The following GLDC variants were observed in gnomAD, a reference collection of about 807,000 sequenced individuals.
GLDC encodes the protein glycine dehydrogenase (decarboxylating), mitochondrial.
A neutral mutation model predicts 121.3 loss-of-function variants in GLDC; 104 were observed. That is an observed-to-expected ratio of 0.86 (90% CI 0.73 to 1.01). The LOEUF (loss-of-function observed/expected upper bound fraction) is 1.01. Ranked by LOEUF, GLDC falls within the 50% of genes least tolerant of loss-of-function variation. The pLI is 0.00. For synonymous variants in GLDC, 546 were observed against 480.6 expected (o/e 1.14, Z -1.78); for missense variants, 1,429 against 1,306.6 (o/e 1.09, Z -1.44).
intron 15 of GLDC, 104 bp downstream of exon 15, chr9:6,587,037 T>C: frequency 3.2e-6 from 3 of 938,526 alleles, no homozygotes; most frequent in Non-Finnish European, 5.2e-6. Flanking sequence ...GTCTAGCAAG[T>C]CACAGAATAA....
chr9:6,546,244 G>A (rs1160850507), intron 21 of GLDC, among the ~76,000 whole-genome samples: 3 of 151,822 alleles, frequency 2.0e-5, no homozygotes, highest in East Asian at 3.9e-4. Flanking sequence ...CCAGGCTGGA[G>A]TGCAGTGGCA....
intron 3 of GLDC, among the ~76,000 whole-genome samples, chr9:6,616,998 T>A (rs1173106633): frequency 6.6e-6 from 1 of 152,246 alleles, no homozygotes; most frequent in East Asian, 1.9e-4. Flanking sequence ...TTTGGAATAG[T>A]GAAACCCATA....
At chr9:6,556,362 A>C (rs1817631245) in intron 17 of GLDC, 60 bp from the exon 18 acceptor site, 3 of 1,351,534 alleles carry the variant, frequency 2.2e-6, no homozygotes, top group South Asian at 2.3e-5. Flanking sequence ...TTCTTGGCCA[A>C]ATCCTCGCCT....
At chr9:6,544,854 C>T (rs900008999) in intron 21 of GLDC, among the ~76,000 whole-genome samples, 1 of 152,064 alleles carries the variant, frequency 6.6e-6, no homozygotes, top group African/African-American at 2.4e-5. Flanking sequence ...AATCCCAGCA[C>T]TTTGGGAGGC....
At chr9:6,550,131 G>A (rs752974539) in intron 21 of GLDC, among the ~76,000 whole-genome samples, 4 of 152,142 alleles carry the variant, frequency 2.6e-5, no homozygotes, top group Non-Finnish European at 5.9e-5. Flanking sequence ...GCAAGAAGGC[G>A]CTGTCAACCA....
In GLDC at chr9:6,639,610, A is replaced by G. The variant is rs1339987196; in HGVS notation, c.334+5004T>C. On this transcript the variant is annotated intron_variant, in intron 2 of 24. Coordinates refer to ENST00000321612, the MANE Select transcript of GLDC (RefSeq NM_000170.3). ...GTTGCCAACAAAATTGGGATCATCTAAACTGAGTCCAGCTGCCTAATTCTA... is the reference window on the plus strand; with the variant it reads ...GTTGCCAACAAAATTGGGATCATCTGAACTGAGTCCAGCTGCCTAATTCTA... The G allele has an allele frequency of 4.2e-6, 3 of 710,556 alleles. No homozygotes were observed. In the East Asian group the frequency reaches 8.5e-5, roughly 20 times the overall value. 44.0% of individuals were successfully genotyped at this position (710,556 alleles called of 1,614,324 possible). A position where few individuals can be genotyped will look rare whatever the true frequency, so the allele number is the denominator to read the frequency against.
chr9:6,600,055 G>A (rs372990592), intron 8 of GLDC, among the ~76,000 whole-genome samples: 1 of 152,092 alleles, frequency 6.6e-6, no homozygotes, highest in African/African-American at 2.4e-5. Flanking sequence ...ATCTCTCTCT[G>A]ACACTTCATG....
At chr9:6,635,648 G>C (rs1311984349) in intron 2 of GLDC, among the ~76,000 whole-genome samples, 1 of 152,024 alleles carries the variant, frequency 6.6e-6, no homozygotes, top group Non-Finnish European at 1.5e-5. Context: ...CAAAATGAGA[G>C]AATCATTTAA....
At chr9:6,559,591 G>C (rs1467136321) in intron 16 of GLDC, among the ~76,000 whole-genome samples, 1 of 150,594 alleles carries the variant, frequency 6.6e-6, no homozygotes, top group Non-Finnish European at 1.5e-5. Flanking sequence ...CCAACACTTC[G>C]GGAGGTGGAG....
intron 2 of GLDC, among the ~76,000 whole-genome samples, chr9:6,642,628 A>C (rs575085395): frequency 6.6e-6 from 1 of 152,336 alleles, no homozygotes; most frequent in African/African-American, 2.4e-5. Flanking sequence ...GAATCCCTTA[A>C]TGTTCAAATT....
At chr9:6,610,041 G>A (rs1363618207) in intron 4 of GLDC, 151 bp downstream of exon 4, 3 of 669,036 alleles carry the variant, frequency 4.5e-6, no homozygotes, top group Non-Finnish European at 7.7e-6. Flanking sequence ...CAACCTCTAG[G>A]TTTTTGAACC....
chr9:6,588,569 G>A (rs769321158), intron 13 of GLDC, 49 bp downstream of exon 13: 13 of 1,483,550 alleles, frequency 8.8e-6, no homozygotes, highest in East Asian at 2.3e-5. Context: ...ACCAAGAGAC[G>A]TGGGATTGGG....
At chr9:6,640,949 T>G (rs149434615) in intron 2 of GLDC, among the ~76,000 whole-genome samples, 39 of 152,336 alleles carry the variant, frequency 2.6e-4, no homozygotes, top group African/African-American at 8.7e-4. Context: ...ACACATATCC[T>G]TCTAGTCCTT....
chr9:6,631,176 T>A (rs1457291798), intron 2 of GLDC, among the ~76,000 whole-genome samples: 3 of 152,196 alleles, frequency 2.0e-5, no homozygotes, highest in Non-Finnish European at 4.4e-5. Context: ...CTCTTCCCTG[T>A]CTTCTTGCTC....
At chr9:6,589,341 A>G in intron 11 of GLDC, 49 bp from the exon 12 acceptor site, 1 of 1,104,158 alleles carries the variant, frequency 9.1e-7, no homozygotes, top group East Asian at 2.3e-5. Context: ...GCCTGGAGCC[A>G]CATGTGGACA....
At chr9:6,545,427 A>T (rs1817367755) in intron 21 of GLDC, among the ~76,000 whole-genome samples, 1 of 152,120 alleles carries the variant, frequency 6.6e-6, no homozygotes, top group Admixed American at 6.5e-5. Context: ...CATAAAACAT[A>T]AAAAATGGTA....
chr9:6,587,424 G>C (rs1282827945), intron 14 of GLDC, 141 bp from the exon 15 acceptor site: 1 of 686,830 alleles, frequency 1.5e-6, no homozygotes, highest in Non-Finnish European at 2.5e-6. Flanking sequence ...ATTTATTTAA[G>C]TTCCACCACA....
chr9:6,619,396 G>A (rs1819035218), intron 3 of GLDC, among the ~76,000 whole-genome samples: 1 of 151,794 alleles, frequency 6.6e-6, no homozygotes, highest in South Asian at 2.1e-4. Flanking sequence ...TTGGGGGTGG[G>A]AGGGGAAGGG....
intron 2 of GLDC, chr9:6,623,028 C>A (rs1314479423): frequency 1.1e-5 from 2 of 183,352 alleles, no homozygotes; most frequent in Non-Finnish European, 2.2e-5. Context: ...GCCGCCCTGT[C>A]TGGGAGGTGA....
Sources: allele counts gnomAD v4.1 joint callset (sites outside exome capture counted in the v4.1 genomes callset), GRCh38; gene constraint gnomAD v4.1.1; transcripts MANE v1.5; gene names NCBI Gene and HGNC (gene_info 2026-07-23, HGNC 2026-07-21).